Variants in FEZ2 observed in about 807,000 individuals in gnomAD.
FEZ2 encodes the protein fasciculation and elongation protein zeta 2.
A neutral mutation model predicts 40.4 loss-of-function variants in FEZ2; 51 were observed. The observed-to-expected ratio is 1.26, with a 90% confidence interval of 1.01 to 1.59. The LOEUF is 1.59. Among genes scored for constraint, FEZ2 ranks in the 40% most tolerant of loss-of-function variants. The pLI is 0.00. For synonymous variants in FEZ2, 242 were observed against 172.0 expected (o/e 1.41, Z -3.18); for missense variants, 640 against 438.3 (o/e 1.46, Z -4.11).
intron 5 of FEZ2, among the ~76,000 whole-genome samples, chr2:36,568,794 G>A (rs1668324747): frequency 1.3e-5 from 2 of 152,192 alleles, no homozygotes; most frequent in Non-Finnish European, 2.9e-5. Flanking sequence ...ACTCACCACT[G>A]CCTCGTGGTT....
intron 2 of FEZ2, among the ~76,000 whole-genome samples, chr2:36,585,351 G>GA (rs1256485148): frequency 1.3e-5 from 2 of 152,040 alleles, no homozygotes; most frequent in Non-Finnish European, 2.9e-5. Flanking sequence ...AAATGAAAAA[G>GA]AAAAAAGATA....
intron 5 of FEZ2, 31 bp from the exon 6 acceptor site, chr2:36,558,544 T>A: frequency 1.5e-6 from 2 of 1,352,352 alleles, no homozygotes; most frequent in African/African-American, 1.5e-5. Context: ...AAGTGTCACT[T>A]AAATCGGAAT....
At chr2:36,556,526 A>C (rs1217534593) in intron 6 of FEZ2, 1 of 152,328 alleles carries the variant, frequency 6.6e-6, no homozygotes, top group African/African-American at 2.4e-5. Flanking sequence ...TTTCCCCACC[A>C]ATACGACAAG....
chr2:36,566,295 G>A (rs192194205), intron 5 of FEZ2, among the ~76,000 whole-genome samples: 24 of 150,896 alleles, frequency 1.6e-4, no homozygotes, highest in African/African-American at 3.7e-4. Flanking sequence ...AGCCGAGATC[G>A]CGCCACTGCA....
At chr2:36,584,198 C>G (rs1436257876) in intron 2 of FEZ2, 2 of 152,256 alleles carry the variant, frequency 1.3e-5, no homozygotes, top group Non-Finnish European at 2.9e-5. Context: ...TGCTGTCTTC[C>G]TCCCTGTCAG....
chr2:36,593,242 G>GA (rs1288258722), intron 1 of FEZ2, among the ~76,000 whole-genome samples: 1 of 152,124 alleles, frequency 6.6e-6, no homozygotes, highest in Non-Finnish European at 1.5e-5. Flanking sequence ...GGCAGCAAGA[G>GA]AAAAGGAGGA....
intron 1 of FEZ2, among the ~76,000 whole-genome samples, chr2:36,593,070 G>T (rs1273869922): frequency 6.6e-6 from 1 of 152,192 alleles, no homozygotes; most frequent in Admixed American, 6.5e-5. Context: ...TCCTGGATAA[G>T]AAATTTTCAA....
intron 2 of FEZ2, among the ~76,000 whole-genome samples, chr2:36,584,229 G>T (rs750050218): frequency 2.0e-5 from 3 of 152,132 alleles, no homozygotes; most frequent in Admixed American, 2.0e-4. Flanking sequence ...GTTGACTATG[G>T]CTCTTCACCA....
intron 4 of FEZ2, among the ~76,000 whole-genome samples, chr2:36,579,890 G>A (rs1235265387): frequency 6.6e-6 from 1 of 152,174 alleles, no homozygotes; most frequent in African/African-American, 2.4e-5. Flanking sequence ...TGTGGAGAGG[G>A]GGTCTTTAAA....
intron 2 of FEZ2, among the ~76,000 whole-genome samples, chr2:36,586,667 G>A (rs1668907464): frequency 6.6e-6 from 1 of 151,188 alleles, no homozygotes; most frequent in African/African-American, 2.4e-5. Context: ...AGCCCAGGTT[G>A]CCATGGCTCA....
chr2:36,576,373 G>A (rs537472310), intron 5 of FEZ2, among the ~76,000 whole-genome samples: 5 of 152,052 alleles, frequency 3.3e-5, no homozygotes, highest in East Asian at 3.9e-4. Context: ...GGGTTCAAGC[G>A]ATTCTCATGC....
At chr2:36,572,330 G>T (rs766436089) in intron 5 of FEZ2, among the ~76,000 whole-genome samples, 5 of 152,094 alleles carry the variant, frequency 3.3e-5, no homozygotes, top group African/African-American at 1.2e-4. Flanking sequence ...CCAAGAAAAG[G>T]AACAATTCAA....
At chr2:36,571,482 G>GGC (rs1668408769) in intron 5 of FEZ2, among the ~76,000 whole-genome samples, 1 of 151,904 alleles carries the variant, frequency 6.6e-6, no homozygotes, top group Admixed American at 6.6e-5. Context: ...CCAACTTGGT[G>GGC]AAACCCCATC....
chr2:36,591,812 G>A (rs1191822418), intron 1 of FEZ2, among the ~76,000 whole-genome samples: 3 of 152,168 alleles, frequency 2.0e-5, no homozygotes, highest in Middle Eastern at 3.4e-3. Flanking sequence ...CATTGGCCAG[G>A]CCCCTTAACC....
At chr2:36,565,307 G>C (rs1455831343) in intron 5 of FEZ2, among the ~76,000 whole-genome samples, 1 of 152,092 alleles carries the variant, frequency 6.6e-6, no homozygotes, top group Admixed American at 6.5e-5. Context: ...TTCCAAAACA[G>C]ACAAACCCAA....
At chr2:36,584,827 C>G (rs1275411996) in intron 2 of FEZ2, among the ~76,000 whole-genome samples, 4 of 152,178 alleles carry the variant, frequency 2.6e-5, no homozygotes, top group Non-Finnish European at 5.9e-5. Context: ...ACACAGCCTA[C>G]AGAGTAAGAA....
chr2:36,579,110 C>T (rs1668662092), intron 4 of FEZ2: 2 of 430,128 alleles, frequency 4.6e-6, no homozygotes, highest in East Asian at 7.2e-5. Context: ...GCAAGAAAGT[C>T]TAACAAAAGT....
chr2:36,582,725 T>A (rs1668788433), intron 3 of FEZ2, among the ~76,000 whole-genome samples: 1 of 152,242 alleles, frequency 6.6e-6, no homozygotes, highest in South Asian at 2.1e-4. Context: ...GATCTCATCT[T>A]TCCAGCCTAA....
In FEZ2 at chr2:36,590,985, T is replaced by A; in HGVS notation, c.293A>T (p.Tyr98Phe). ...CCAGTCTACAGGCATCACATTCCCA[T>A]AATTATCTGTCAGGGCATTCCAAAT... is the stretch of plus-strand genomic sequence containing the variant. Reference protein sequence around the residue: ...DEIWNALTDNYGNVMPVDWKS... With the variant: ...DEIWNALTDNFGNVMPVDWKS... Residue 98 changes from tyrosine (Y) to phenylalanine (F), a missense_variant, in exon 2 of 8, where the codon TAT becomes TTT. Coordinates refer to ENST00000405912, the MANE Select transcript of FEZ2 (RefSeq NM_005102.3). The A allele has an allele frequency of 6.2e-7, 1 of 1,610,658 alleles. No individual in the cohort carries two copies. The highest frequency in any genetic ancestry group is 8.5e-7 in the Non-Finnish European group (1 of 1,176,814).
Sources: allele counts gnomAD v4.1 joint callset (sites outside exome capture counted in the v4.1 genomes callset), GRCh38; gene constraint gnomAD v4.1.1; transcripts MANE v1.5; gene names NCBI Gene and HGNC (gene_info 2026-07-23, HGNC 2026-07-21).